The following CFAP97D2 variants were observed in gnomAD, a reference collection of about 807,000 sequenced individuals.
CFAP97D2 encodes the protein CFAP97 domain containing 2.
At chr13:114,201,502 T>C (rs2080917973) in intron 3 of CFAP97D2, among the ~76,000 whole-genome samples, 1 of 152,216 alleles carries the variant, frequency 6.6e-6, no homozygotes, top group African/African-American at 2.4e-5. Context: ...TCCTGTGTGC[T>C]GGCTTTGTTC....
intron 3 of CFAP97D2, among the ~76,000 whole-genome samples, chr13:114,206,246 G>A (rs1379547343): frequency 6.6e-6 from 1 of 152,068 alleles, no homozygotes; most frequent in African/African-American, 2.4e-5. Flanking sequence ...GGGATTACAG[G>A]CGCGTGCCAC....
intron 1 of CFAP97D2, among the ~76,000 whole-genome samples, chr13:114,184,163 C>T (rs1225452919): frequency 3.9e-5 from 6 of 152,040 alleles, no homozygotes; most frequent in African/African-American, 1.2e-4. Context: ...AAAAACCAGC[C>T]GAACAGCCAA....
At chr13:114,191,162 T>C (rs890046021) in intron 1 of CFAP97D2, among the ~76,000 whole-genome samples, 1 of 152,096 alleles carries the variant, frequency 6.6e-6, no homozygotes, top group Admixed American at 6.5e-5. Flanking sequence ...TAGAGGACCA[T>C]GAGTATGGGA....
chr13:114,210,050 A>G (rs1338482061), intron 3 of CFAP97D2, among the ~76,000 whole-genome samples: 1 of 152,216 alleles, frequency 6.6e-6, no homozygotes, highest in African/African-American at 2.4e-5. Flanking sequence ...TTCATCACCC[A>G]GAGAGAATAC....
chr13:114,196,345 C>A, intron 1 of CFAP97D2, 51 bp from the exon 2 acceptor site: 1 of 399,448 alleles, frequency 2.5e-6, no homozygotes, highest in East Asian at 3.6e-5. Context: ...AATCTGAGCT[C>A]ACTCTGTTTC....
intron 1 of CFAP97D2, among the ~76,000 whole-genome samples, chr13:114,188,543 C>G (rs904810925): frequency 4.0e-5 from 6 of 151,786 alleles, no homozygotes; most frequent in Non-Finnish European, 8.8e-5. Flanking sequence ...TTTACGAGGC[C>G]GAGGCGGGCG....
At chr13:114,208,175 G>C (rs1446976294) in intron 3 of CFAP97D2, among the ~76,000 whole-genome samples, 1 of 152,170 alleles carries the variant, frequency 6.6e-6, no homozygotes, top group Non-Finnish European at 1.5e-5. Flanking sequence ...GAACTCCTGT[G>C]CCTTTCTTGT....
intron 1 of CFAP97D2, among the ~76,000 whole-genome samples, chr13:114,188,548 C>T (rs1276515168): frequency 2.6e-5 from 4 of 151,846 alleles, no homozygotes; most frequent in African/African-American, 7.3e-5. Context: ...GAGGCCGAGG[C>T]GGGCGGATCA....
intron 3 of CFAP97D2, among the ~76,000 whole-genome samples, chr13:114,209,313 T>C (rs925790559): frequency 6.6e-6 from 1 of 152,014 alleles, no homozygotes; most frequent in Non-Finnish European, 1.5e-5. Context: ...GAAGACTTAA[T>C]TGGATGACAT....
chr13:114,209,220 G>T (rs7323386), intron 3 of CFAP97D2, among the ~76,000 whole-genome samples: 42,304 of 152,114 alleles, frequency 0.28, 7,799 homozygotes, highest in East Asian at 0.56. Context: ...GCACCATCCC[G>T]CTGTCCGCAT....
intron 2 of CFAP97D2, among the ~76,000 whole-genome samples, chr13:114,198,439 T>G (rs944212704): frequency 4.6e-5 from 7 of 152,262 alleles, no homozygotes; most frequent in Non-Finnish European, 8.8e-5. Context: ...AAATATTCTC[T>G]TCTTATAACT....
intron 1 of CFAP97D2, among the ~76,000 whole-genome samples, chr13:114,184,669 T>C (rs1424266346): frequency 6.6e-6 from 1 of 152,212 alleles, no homozygotes; most frequent in African/African-American, 2.4e-5. Context: ...ATAAACATTT[T>C]CTCAAACAAA....
Position 114,187,939 on chromosome 13 carries a change from A to T in CFAP97D2, c.91-8457A>T, listed in dbSNP as rs992877650. 1.3e-5 allele frequency among the ~76,000 whole-genome samples: 2 copies of T among 152,208 alleles called. No homozygotes were observed. The highest frequency in any genetic ancestry group is 2.9e-5 in the Non-Finnish European group (2 of 68,030). On this transcript the variant is annotated intron_variant, in intron 1 of 4. Transcript: ENST00000646158. This position sits in a 1 kb window ranked among gnomAD's most constrained non-coding sequence, Gnocchi z 4.2. ...CCACAATGGAATTAAACTAGAAGTCAATAACAAAGATAACTGGAAGATCCC... is the reference window on the plus strand; with the variant it reads ...CCACAATGGAATTAAACTAGAAGTCTATAACAAAGATAACTGGAAGATCCC...
In CFAP97D2 at chr13:114,186,072, C is replaced by T. The variant is rs2080852773; in HGVS notation, c.90+6652C>T. Among the ~76,000 whole-genome samples, 1 of 152,202 alleles carries T rather than the reference C, an allele frequency of 6.6e-6. No homozygotes were observed. The highest frequency in any genetic ancestry group is 6.5e-5 in the Admixed American group (1 of 15,280). ...AGCATGCACTTCCTCCACACTGAGG[C>T]CCATAAAAACCCTGGACTCAGCCAG... is the stretch of plus-strand genomic sequence containing the variant. On this transcript the variant is annotated intron_variant, in intron 1 of 4. Coordinates refer to ENST00000646158, the Ensembl canonical transcript of CFAP97D2. The surrounding 1 kb of genome is among the most constrained non-coding windows in gnomAD (Gnocchi z 4.3).
Position 114,203,817 on chromosome 13 carries a change from T to C in CFAP97D2, c.290+3374T>C, listed in dbSNP as rs2138773707. On this transcript the variant is annotated intron_variant, in intron 3 of 4. Transcript: ENST00000646158. This position sits in a 1 kb window ranked among gnomAD's most constrained non-coding sequence, Gnocchi z 4.3. The stretch of plus-strand genomic sequence containing the variant: ...GTTCCCTCATCTGCACAAAAGCATC[T>C]GGTGTAAACACTTGTCAGATGGGGC... Among the ~76,000 whole-genome samples, 1 of 152,314 alleles carries C rather than the reference T, an allele frequency of 6.6e-6. No individual in the cohort carries two copies. The highest frequency in any genetic ancestry group is 3.4e-3 in the Middle Eastern group (1 of 294).
rs1299526568 is a variant in CFAP97D2, at chr13:114,206,105, T to A, written c.290+5662T>A. ...ATTACAGTAGCTTTTTTTCTTTTCC[T>A]TTTTTTTTTTTTTTTTGAGACAAAG... On this transcript the variant is annotated intron_variant, in intron 3 of 4. Transcript: ENST00000646158. 3.4e-5 allele frequency among the ~76,000 whole-genome samples: 3 copies of A among 87,366 alleles called. No individual in the cohort carries two copies. In the East Asian group the frequency reaches 2.5e-3, roughly 72 times the overall value. The allele number at this position is 87,366 out of a possible 152,430, so 57.3% of individuals were successfully genotyped here.
chr13:114,213,129 C>A (rs2080975580), intron 4 of CFAP97D2, among the ~76,000 whole-genome samples: 1 of 152,200 alleles, frequency 6.6e-6, no homozygotes. Flanking sequence ...GATCTTCCAT[C>A]ACTCGCTTTA....
At chr13:114,197,726 A>G (rs781027286) in intron 2 of CFAP97D2, among the ~76,000 whole-genome samples, 1 of 144,720 alleles carries the variant, frequency 6.9e-6, no homozygotes, top group East Asian at 1.9e-4. Context: ...TGTGTCGCCC[A>G]GGCTGGAGTC....
At chr13:114,195,207 G>A (rs188413767) in intron 1 of CFAP97D2, among the ~76,000 whole-genome samples, 4 of 152,164 alleles carry the variant, frequency 2.6e-5, no homozygotes, top group East Asian at 1.9e-4. Flanking sequence ...GCTTCTCTTC[G>A]TTCACACGTA....
Sources: allele counts gnomAD v4.1 joint callset (sites outside exome capture counted in the v4.1 genomes callset), GRCh38; gene constraint gnomAD v4.1.1; non-coding constraint Gnocchi (gnomAD v3.1); transcripts MANE v1.5; gene names NCBI Gene and HGNC (gene_info 2026-07-23, HGNC 2026-07-21).